The following COX8C variants were observed in gnomAD, a reference collection of about 807,000 sequenced individuals.
COX8C encodes the protein cytochrome c oxidase subunit 8C, also known as cytochrome c oxidase subunit 8C, mitochondrial.
A neutral mutation model predicts 3.5 loss-of-function variants in COX8C; 3 were observed. The ratio of observed to expected loss-of-function variants is 0.86; its 90% CI spans 0.39 to 2.24. COX8C has a LOEUF of 2.24. COX8C is among the 30% of genes most tolerant of loss of function. The pLI, the probability that COX8C is intolerant of heterozygous loss-of-function variation, is 0.05. For missense variants in COX8C, 113 were observed against 102.5 expected (o/e 1.10, Z -0.44); for synonymous variants, 46 against 44.1 (o/e 1.04, Z -0.17).
chr14:93,347,194 A>C lies in COX8C; in HGVS notation c.-75A>C, dbSNP rs1392203422. 3 of 1,486,016 alleles carry C rather than the reference A, an allele frequency of 2.0e-6. No individual in the cohort carries two copies. The highest frequency in any genetic ancestry group is 1.8e-6 in the Non-Finnish European group (2 of 1,111,642). 92.1% of individuals were successfully genotyped at this position (1,486,016 alleles called of 1,614,324 possible). A position where few individuals can be genotyped will look rare whatever the true frequency, so the allele number is the denominator to read the frequency against. ...GCCTGCGCAAACCAGCTGCCTCACG[A>C]GCACTGGAGCTTGCGTTACTTGGCC... is the stretch of plus-strand genomic sequence containing the variant. On this transcript the variant is annotated 5_prime_UTR_variant, in exon 1 of 2. Transcript: ENST00000342144.
In COX8C at chr14:93,347,346, C is replaced by T; in HGVS notation, c.78C>T (p.Pro26=). The change falls in exon 1 of 2, where the codon CCC becomes CCT. Residue 26 remains proline, a synonymous_variant. Coordinates refer to ENST00000342144, the MANE Select transcript of COX8C (RefSeq NM_182971.3). ...CCCTGCTCGGCCTGCAGCCCGCTCC[C>T]CGCTTCGCCCACTCGGGGCCCCCGC... ...RLALLGLQPA[P]RFAHSGPPRQ... 1 of 1,597,436 alleles carries T rather than the reference C, an allele frequency of 6.3e-7. No individual in the cohort carries two copies.
chr14:93,347,534 T>G (rs1042306583), intron 1 of COX8C, 140 bp downstream of exon 1: 2 of 1,043,996 alleles, frequency 1.9e-6, no homozygotes, highest in East Asian at 3.3e-5. Flanking sequence ...TTGGGGGAGG[T>G]TCCTGTGGCT....
chr14:93,348,062 CCTT>C lies in COX8C; in HGVS notation c.165_167del (p.Phe55del), dbSNP rs773528681. On this transcript the variant is annotated inframe_deletion, in exon 2 of 2. Coordinates refer to ENST00000342144, the MANE Select transcript of COX8C (RefSeq NM_182971.3). ...GTTGGACTTGTGGTGTTTTTTACGA[CCTT>C]CTTAACACCAGCTGCATATGTGCTA... 1.2e-5 allele frequency: 20 copies of C among 1,612,804 alleles called. No homozygotes were observed. The highest frequency in any genetic ancestry group is 2.7e-5 in the African/African-American group (2 of 74,962).
chr14:93,347,478 A>G (rs919185041), intron 1 of COX8C, 84 bp downstream of exon 1: 1 of 1,355,820 alleles, frequency 7.4e-7, no homozygotes, highest in African/African-American at 1.5e-5. Context: ...AAGGGAGGAC[A>G]CGGCGTGCAG....
intron 1 of COX8C, 131 bp downstream of exon 1, chr14:93,347,525 T>C: frequency 9.0e-7 from 1 of 1,109,340 alleles, no homozygotes; most frequent in Non-Finnish European, 1.2e-6. Flanking sequence ...TGGTCGCCGT[T>C]GGGGGAGGTT....
rs1253076109 is a variant in COX8C, at chr14:93,347,369, C to G, written c.101C>G (p.Pro34Arg). 6.4e-7 allele frequency: 1 copy of G among 1,566,290 alleles called. No homozygotes were observed. The highest frequency in any genetic ancestry group is 1.1e-5 in the South Asian group (1 of 87,760). The change falls in exon 1 of 2, where the codon CCG (proline) becomes CGG (arginine). Residue 34 changes from proline to arginine, a missense_variant. Coordinates refer to ENST00000342144, the MANE Select transcript of COX8C (RefSeq NM_182971.3). ...PAPRFAHSGP[P>R]RQRPLSAAEM... Reference sequence around the variant, plus strand: ...CCCCGCTTCGCCCACTCGGGGCCCCCGCGCCAGCGGCCCCTGTCTGCCGCG... The same window carrying G: ...CCCCGCTTCGCCCACTCGGGGCCCCGGCGCCAGCGGCCCCTGTCTGCCGCG...
In COX8C at chr14:93,347,324, T is replaced by G; in HGVS notation, c.56T>G (p.Leu19Arg). The part of the protein sequence containing the change: ...PARRHYRRLA[L>R]LGLQPAPRFA... ...CGCCGCCACTACCGCCGCTTGGCCC[T>G]GCTCGGCCTGCAGCCCGCTCCCCGC... The change falls in exon 1 of 2, where the codon CTG (leucine) becomes CGG (arginine). Residue 19 changes from leucine (L) to arginine (R), a missense_variant. By Grantham distance (102) the Leu-to-Arg change is moderately radical. Coordinates refer to ENST00000342144, the MANE Select transcript of COX8C (RefSeq NM_182971.3). 2 of 1,603,524 alleles carry G rather than the reference T, an allele frequency of 1.2e-6. No homozygotes were observed. Among genetic ancestry groups the G allele is most frequent in the Admixed American group, 1.7e-5 (1 of 59,750 alleles).
At position 93,347,651 on chromosome 14, in the gene COX8C, C is replaced by T. The variant is rs111703536; in HGVS notation, c.126+257C>T. On this transcript the variant is annotated intron_variant, in intron 1 of 1. Transcript: ENST00000342144. ...CCTGAGGAACGCGCGGGGATTGGGC[C>T]TCCTTCGTTGTTACCCTTTACCGGC... is the stretch of plus-strand genomic sequence containing the variant. 1.1e-4 allele frequency among the ~76,000 whole-genome samples: 17 copies of T among 152,122 alleles called. 1 individual carries two copies. The highest frequency in any genetic ancestry group is 3.4e-4 in the African/African-American group (14 of 41,492).
At position 93,347,208 on chromosome 14, in the gene COX8C, C is replaced by A; in HGVS notation, c.-61C>A. On this transcript the variant is annotated 5_prime_UTR_variant, in exon 1 of 2. Coordinates refer to ENST00000342144, the MANE Select transcript of COX8C (RefSeq NM_182971.3). ...GCTGCCTCACGAGCACTGGAGCTTG[C>A]GTTACTTGGCCTCACCTCACCTGTG... 1 of 1,511,036 alleles carries A rather than the reference C, an allele frequency of 6.6e-7. No individual in the cohort carries two copies. Among genetic ancestry groups the A allele is most frequent in the African/African-American group, 1.4e-5 (1 of 70,878 alleles). The allele number at this position is 1,511,036 out of a possible 1,614,324, so 93.6% of individuals were successfully genotyped here.
In COX8C at chr14:93,347,209, G is replaced by GT; in HGVS notation, c.-58dup. The GT allele has an allele frequency of 6.6e-7, 1 of 1,513,630 alleles. No homozygotes were observed. The highest frequency in any genetic ancestry group is 8.9e-7 in the Non-Finnish European group (1 of 1,125,818). The allele number at this position is 1,513,630 out of a possible 1,614,324, so 93.8% of individuals were successfully genotyped here. ...CTGCCTCACGAGCACTGGAGCTTGC[G>GT]TTACTTGGCCTCACCTCACCTGTGC... On this transcript the variant is annotated 5_prime_UTR_variant, in exon 1 of 2. Coordinates refer to ENST00000342144, the MANE Select transcript of COX8C (RefSeq NM_182971.3).
At chr14:93,347,674 G>T (rs147942324) in intron 1 of COX8C, among the ~76,000 whole-genome samples, 1 of 152,154 alleles carries the variant, frequency 6.6e-6, no homozygotes, top group South Asian at 2.1e-4. Flanking sequence ...ACCCTTTACC[G>T]GCACCTGGCT....
At position 93,347,627 on chromosome 14, in the gene COX8C, C is replaced by T. The variant is rs181406130; in HGVS notation, c.126+233C>T. On this transcript the variant is annotated intron_variant, in intron 1 of 1. Coordinates refer to ENST00000342144, the MANE Select transcript of COX8C (RefSeq NM_182971.3). ...GCACAGGGGCGGAAAGCCCGGGACCCTGAGGAACGCGCGGGGATTGGGCCT... is the reference window on the plus strand; with the variant it reads ...GCACAGGGGCGGAAAGCCCGGGACCTTGAGGAACGCGCGGGGATTGGGCCT... Among the ~76,000 whole-genome samples the T allele has an allele frequency of 4.6e-3, 701 of 152,116 alleles. 6 individuals carry two copies. The highest frequency in any genetic ancestry group is 0.016 in the African/African-American group (668 of 41,524).
In COX8C at chr14:93,348,166, G is replaced by GA. The variant is rs2053907465; in HGVS notation, c.*51dup. ...GCTGTTAACGTCCAAAAAACTTTCA[G>GA]AAAAAGCTGTGTTTTTGTTAACGAG... On this transcript the variant is annotated 3_prime_UTR_variant, in exon 2 of 2. Coordinates refer to ENST00000342144, the MANE Select transcript of COX8C (RefSeq NM_182971.3). 1.6e-6 allele frequency: 2 copies of GA among 1,217,922 alleles called. No homozygotes were observed. The highest frequency in any genetic ancestry group is 1.2e-6 in the Non-Finnish European group (1 of 823,056). 75.4% of individuals were successfully genotyped at this position (1,217,922 alleles called of 1,614,324 possible).
At chr14:93,347,642 G>A (rs2295702) in intron 1 of COX8C, among the ~76,000 whole-genome samples, 24,126 of 152,008 alleles carry the variant, frequency 0.16, 2,133 homozygotes, top group East Asian at 0.3. Flanking sequence ...GAACGCGCGG[G>A]GATTGGGCCT....
intron 1 of COX8C, 69 bp downstream of exon 1, chr14:93,347,463 G>C: frequency 7.3e-7 from 1 of 1,378,334 alleles, no homozygotes; most frequent in Non-Finnish European, 9.3e-7. Flanking sequence ...CCGACGGGTG[G>C]GGAGAAGGGA....
Position 93,348,027 on chromosome 14 carries a change from G to A in COX8C, c.127-1G>A. 6.2e-7 allele frequency: 1 copy of A among 1,601,848 alleles called. No homozygotes were observed. The highest frequency in any genetic ancestry group is 8.6e-7 in the Non-Finnish European group (1 of 1,168,812). On this transcript the variant is annotated splice_acceptor_variant, in intron 1 of 1. Transcript: ENST00000342144. LOFTEE classifies it high-confidence loss of function. ...GCAGCGCGTGTCATCTTCTCTTCCA[G>A]GAAATGGCTGTTGGACTTGTGGTGT... is the stretch of plus-strand genomic sequence containing the variant.
In COX8C at chr14:93,348,194, A is replaced by G. The variant is rs2053908236; in HGVS notation, c.*74A>G. 4.5e-6 allele frequency: 4 copies of G among 880,528 alleles called. No homozygotes were observed. Among genetic ancestry groups the G allele is most frequent in the Non-Finnish European group, 7.7e-6 (4 of 521,134 alleles). The allele number at this position is 880,528 out of a possible 1,614,324, so 54.5% of individuals were successfully genotyped here. On this transcript the variant is annotated 3_prime_UTR_variant, in exon 2 of 2. Coordinates refer to ENST00000342144, the MANE Select transcript of COX8C (RefSeq NM_182971.3). The stretch of plus-strand genomic sequence containing the variant: ...AAAGCTGTGTTTTTGTTAACGAGCA[A>G]AATTGCCTAGTTGAGTTGATGCAAC...
At position 93,348,273 on chromosome 14, in the gene COX8C, G is replaced by T. The variant is rs552449408; in HGVS notation, c.*153G>T. The stretch of plus-strand genomic sequence containing the variant: ...ATGATGAATATTTTGCACTTTTTTA[G>T]TACTGTGCATTATATAGATGTATAG... On this transcript the variant is annotated 3_prime_UTR_variant, in exon 2 of 2. Coordinates refer to ENST00000342144, the MANE Select transcript of COX8C (RefSeq NM_182971.3). The T allele has an allele frequency of 1.2e-4, 73 of 606,532 alleles. 1 individual carries two copies. The South Asian group carries it at 1.4e-3, about 11-fold the overall frequency. 37.6% of individuals were successfully genotyped at this position (606,532 alleles called of 1,614,324 possible).
chr14:93,347,414 T>A lies in COX8C; in HGVS notation c.126+20T>A, dbSNP rs1209634587. 6.8e-7 allele frequency: 1 copy of A among 1,460,258 alleles called. No homozygotes were observed. Among genetic ancestry groups the A allele is most frequent in the Non-Finnish European group, 9.0e-7 (1 of 1,110,020 alleles). 90.5% of individuals were successfully genotyped at this position (1,460,258 alleles called of 1,614,324 possible). The stretch of plus-strand genomic sequence containing the variant: ...GCCGCGGTGAGTTGAGGCCCAGCCA[T>A]CATGGTGGGCGGGAAGCGCGTGGCC... On this transcript the variant is annotated intron_variant, in intron 1 of 1. Coordinates refer to ENST00000342144, the MANE Select transcript of COX8C (RefSeq NM_182971.3).
Sources: allele counts gnomAD v4.1 joint callset (sites outside exome capture counted in the v4.1 genomes callset), GRCh38; gene constraint gnomAD v4.1.1; transcripts MANE v1.5; gene names NCBI Gene and HGNC (gene_info 2026-07-23, HGNC 2026-07-21).